Variants in HIVEP3 observed in about 807,000 individuals in gnomAD.
HIVEP3 encodes HIVEP zinc finger 3, also known as transcription factor HIVEP3.
HIVEP3 carries 49 observed loss-of-function variants against 152.8 expected under a neutral mutation model. That is an observed-to-expected ratio of 0.32 (90% CI 0.26 to 0.41). The LOEUF is 0.41. Ranked by LOEUF, HIVEP3 falls within the 10% of genes least tolerant of loss-of-function variation. The pLI, the probability that HIVEP3 is intolerant of heterozygous loss-of-function variation, is 1.00. For synonymous variants in HIVEP3, 1,269 were observed against 1,289.0 expected, an observed-to-expected ratio of 0.98 and a Z score of 0.33; for missense variants, 2,790 against 3,103.3, an observed-to-expected ratio of 0.90 and a Z score of 2.40.
At chr1:41,979,304 T>G (rs654961) in intron 1 of HIVEP3, among the ~76,000 whole-genome samples, 88,528 of 151,964 alleles carry the variant, frequency 0.58, 26,169 homozygotes, top group East Asian at 0.71. Context: ...GCAATCTGTT[T>G]CTTCTGCCTT....
chr1:41,825,136 AT>A (rs781082152), intron 1 of HIVEP3, among the ~76,000 whole-genome samples: 20 of 151,942 alleles, frequency 1.3e-4, no homozygotes, highest in Non-Finnish European at 2.8e-4. Flanking sequence ...GAGTGGTGGG[AT>A]TATCATTGGT....
rs765536541 is a variant in HIVEP3, at chr1:41,583,025, C to T, written c.1773G>A (p.Pro591=). The change falls in exon 4 of 9, where the codon CCG becomes CCA. Residue 591 remains proline, a synonymous_variant. Coordinates refer to ENST00000372583, the MANE Select transcript of HIVEP3 (RefSeq NM_024503.5). The surrounding 1 kb of genome is among the most constrained non-coding windows in gnomAD (Gnocchi z 6.9). The part of the protein sequence containing the change: ...TSHPRMLKRQ[P]AIELPLGGEY... ...CCCCTCCCAAAGGTAATTCGATTGCCGGCTGGCGCTTCAGCATCCGGGGGT... is the reference window on the plus strand; with the variant it reads ...CCCCTCCCAAAGGTAATTCGATTGCTGGCTGGCGCTTCAGCATCCGGGGGT... 1.1e-5 allele frequency: 17 copies of T among 1,613,922 alleles called. No homozygotes were observed. Among genetic ancestry groups the T allele is most frequent in the Admixed American group, 1.0e-4 (6 of 59,998 alleles).
Position 41,580,393 on chromosome 1 carries a change from T to C in HIVEP3, c.4405A>G (p.Ser1469Gly), listed in dbSNP as rs777539022. The change falls in exon 4 of 9, where the codon AGT becomes GGT. Residue 1469 changes from serine (S) to glycine (G), a missense_variant. Ser to Gly is a moderately conservative substitution (Grantham distance 56, BLOSUM62 0). Coordinates refer to ENST00000372583, the MANE Select transcript of HIVEP3 (RefSeq NM_024503.5). ...TCCTCGGTGCTGGTAAGGACCACAC[T>C]GCATGGTTTTACCAGCTCAAGTTTT... ...DEKLELVKPC[S>G]VVLTSTEDGK... is the part of the protein sequence containing the mutation. 1.2e-6 allele frequency: 2 copies of C among 1,614,228 alleles called. No individual in the cohort carries two copies. Among genetic ancestry groups the C allele is most frequent in the East Asian group, 2.2e-5 (1 of 44,880 alleles).
At chr1:41,630,281 G>A (rs1645175615) in intron 2 of HIVEP3, among the ~76,000 whole-genome samples, 1 of 152,146 alleles carries the variant, frequency 6.6e-6, no homozygotes, top group Non-Finnish European at 1.5e-5. Flanking sequence ...ACTGGGTGGG[G>A]GAGAGAGAGG....
In HIVEP3 at chr1:41,722,529, TCTCC is replaced by T. The variant is rs111950120; in HGVS notation, c.-800-21538_-800-21535del. 3.4e-4 allele frequency among the ~76,000 whole-genome samples: 41 copies of T among 119,938 alleles called. 1 individual carries two copies. The highest frequency in any genetic ancestry group is 6.3e-4 in the African/African-American group (20 of 31,890). The allele number at this position is 119,938 out of a possible 152,430, so 78.7% of individuals were successfully genotyped here. On this transcript the variant is annotated intron_variant, in intron 1 of 8. Coordinates refer to ENST00000372583, the MANE Select transcript of HIVEP3 (RefSeq NM_024503.5). Reference sequence around the variant, plus strand: ...TTCCCTTCCCTCCTTTCCTCCCTTCTCTCCCTCCCTCCCTCCCTCCTTCCCTCCT... The same window carrying T: ...TTCCCTTCCCTCCTTTCCTCCCTTCTCTCCCTCCCTCCCTCCTTCCCTCCT...
At chr1:42,010,448 T>C (rs1363646624) in intron 1 of HIVEP3, among the ~76,000 whole-genome samples, 1 of 152,208 alleles carries the variant, frequency 6.6e-6, no homozygotes, top group African/African-American at 2.4e-5. Flanking sequence ...CTATTTGCTC[T>C]GAATGTGAGG....
intron 1 of HIVEP3, among the ~76,000 whole-genome samples, chr1:41,787,778 T>C (rs1649449407): frequency 6.6e-6 from 1 of 151,972 alleles, no homozygotes; most frequent in Non-Finnish European, 1.5e-5. Context: ...CAAGCGATCC[T>C]CTTGCCTCAA....
chr1:41,571,916 T>C (rs1445450115), intron 5 of HIVEP3, among the ~76,000 whole-genome samples: 2 of 152,030 alleles, frequency 1.3e-5, no homozygotes, highest in Non-Finnish European at 1.5e-5. Flanking sequence ...GCACCAACTT[T>C]GGAGTTCTAG....
At chr1:41,601,312 G>A (rs1644745540) in intron 3 of HIVEP3, among the ~76,000 whole-genome samples, 1 of 151,986 alleles carries the variant, frequency 6.6e-6, no homozygotes, top group Non-Finnish European at 1.5e-5. Context: ...TTTTATGGGG[G>A]TTTCATTGAC....
At chr1:41,829,631 T>C (rs183020720) in intron 1 of HIVEP3, among the ~76,000 whole-genome samples, 6 of 151,832 alleles carry the variant, frequency 4.0e-5, no homozygotes, top group Non-Finnish European at 7.4e-5. Context: ...AAACAGCAGA[T>C]GTAAATGACA....
chr1:41,835,927 T>C (rs1284392249), intron 1 of HIVEP3, among the ~76,000 whole-genome samples: 1 of 152,184 alleles, frequency 6.6e-6, no homozygotes, highest in Non-Finnish European at 1.5e-5. Context: ...TCCTCACACT[T>C]TCACCAAAAG....
In HIVEP3 at chr1:41,918,213, G is replaced by A. The variant is rs1226438730; in HGVS notation, c.-801+200C>T. ...CGAGCAGCGCGCTCAGCCCACCGGG[G>A]GCACTGGCCGCCACGCGCAGCCCAC... On this transcript the variant is annotated intron_variant, in intron 1 of 8. Transcript: ENST00000372583. The surrounding 1 kb of genome is among the most constrained non-coding windows in gnomAD (Gnocchi z 4.3). 2.0e-5 allele frequency among the ~76,000 whole-genome samples: 3 copies of A among 152,164 alleles called. No individual in the cohort carries two copies. The highest frequency in any genetic ancestry group is 2.0e-4 in the Admixed American group (3 of 15,284).
intron 2 of HIVEP3, among the ~76,000 whole-genome samples, chr1:41,670,823 T>C (rs2124069638): frequency 6.6e-6 from 1 of 152,290 alleles, no homozygotes; most frequent in East Asian, 1.9e-4. Context: ...GCAAAGGCCC[T>C]GCGTCGGGCA....
At chr1:41,979,600 C>T (rs561922047) in intron 1 of HIVEP3, among the ~76,000 whole-genome samples, 1 of 152,292 alleles carries the variant, frequency 6.6e-6, no homozygotes, top group African/African-American at 2.4e-5. Context: ...TTGCACCACA[C>T]AATAATCAGC....
intron 1 of HIVEP3, among the ~76,000 whole-genome samples, chr1:41,862,309 C>T (rs1371936355): frequency 3.3e-5 from 5 of 152,216 alleles, no homozygotes; most frequent in Non-Finnish European, 7.3e-5. Flanking sequence ...TGATGCTCCC[C>T]TAACATTTAT....
At chr1:41,633,311 GA>G (rs1645223166) in intron 2 of HIVEP3, among the ~76,000 whole-genome samples, 1 of 152,198 alleles carries the variant, frequency 6.6e-6, no homozygotes, top group African/African-American at 2.4e-5. Flanking sequence ...GGAGTGACAG[GA>G]AATCTAATCA....
rs530779256 is a variant in HIVEP3 at position 41,626,785 on chromosome 1, C to G, written c.-522+1964G>C. Among the ~76,000 whole-genome samples, 64 of 152,230 alleles carry G rather than the reference C, an allele frequency of 4.2e-4. 1 individual carries two copies. The South Asian group carries it at 0.013, about 31-fold the overall frequency. On this transcript the variant is annotated intron_variant, in intron 3 of 8. Transcript: ENST00000372583. ...GCATGCTGGGGCATTACAGCATGAT[C>G]GATTCCTATGAACATGTGGACATTC...
At chr1:41,544,912 C>CCACCACCATCACCACCACCACCACCAT (rs1558046772) in intron 5 of HIVEP3, among the ~76,000 whole-genome samples, 1 of 52,674 alleles carries the variant, frequency 1.9e-5, no homozygotes, top group African/African-American at 5.5e-5. Context: ...ACCACCACTA[C>CCACCACCATCACCACCACCACCACCAT]CACCTCTACC....
intron 1 of HIVEP3, among the ~76,000 whole-genome samples, chr1:41,947,225 T>C (rs958627386): frequency 6.6e-6 from 1 of 152,234 alleles, no homozygotes; most frequent in Non-Finnish European, 1.5e-5. Flanking sequence ...TCCTTCGGTA[T>C]GTGGATGATT....
Sources: allele counts gnomAD v4.1 joint callset (sites outside exome capture counted in the v4.1 genomes callset), GRCh38; gene constraint gnomAD v4.1.1; non-coding constraint Gnocchi (gnomAD v3.1); transcripts MANE v1.5; gene names NCBI Gene and HGNC (gene_info 2026-07-23, HGNC 2026-07-21).